Variants in PLAG1 observed in about 807,000 individuals in gnomAD.
The protein encoded by PLAG1 is zinc finger protein PLAG1.
Under a neutral mutation model 35.5 loss-of-function variants are expected in PLAG1, and 7 were observed. The observed-to-expected ratio is 0.20, with a 90% CI of 0.11 to 0.37. PLAG1 has a LOEUF of 0.37. Among genes scored for constraint, PLAG1 ranks in the 10% least tolerant of loss-of-function variants. The probability of loss-of-function intolerance (pLI) is 1.00; values close to 1 mark genes in which losing one functional copy is unlikely to be tolerated. For synonymous variants in PLAG1, 229 were observed against 225.4 expected, an observed-to-expected ratio of 1.02 and a Z score of -0.14; for missense variants, 454 against 602.8, an observed-to-expected ratio of 0.75 and a Z score of 2.58.
chr8:56,183,940 C>T (rs1811944649), intron 1 of PLAG1, among the ~76,000 whole-genome samples: 1 of 152,096 alleles, frequency 6.6e-6, no homozygotes. Context: ...TTGGTCACAA[C>T]ACCAAAAGCA....
At chr8:56,193,695 C>CTTTT (rs760038291) in intron 1 of PLAG1, among the ~76,000 whole-genome samples, 28 of 130,800 alleles carry the variant, frequency 2.1e-4, no homozygotes, top group East Asian at 9.4e-4. Flanking sequence ...ATTAGGTAAA[C>CTTTT]TTTTTTTTTT....
At chr8:56,169,299 T>A (rs1290310982) in intron 3 of PLAG1, among the ~76,000 whole-genome samples, 3 of 152,198 alleles carry the variant, frequency 2.0e-5, no homozygotes, top group Non-Finnish European at 4.4e-5. Context: ...AAGAGGTGTT[T>A]AAGGTTGGTA....
At chr8:56,210,704 G>C (rs1490871794) in intron 1 of PLAG1, among the ~76,000 whole-genome samples, 3 of 151,816 alleles carry the variant, frequency 2.0e-5, no homozygotes, top group African/African-American at 7.3e-5. Context: ...CTTATTTTTC[G>C]GGTCTCTAAT....
At chr8:56,173,094 T>G (rs2129226164) in intron 2 of PLAG1, among the ~76,000 whole-genome samples, 1 of 152,234 alleles carries the variant, frequency 6.6e-6, no homozygotes, top group South Asian at 2.1e-4. Context: ...TCAAATACAT[T>G]CATAAAATCT....
At chr8:56,182,817 G>A (rs777214086) in intron 1 of PLAG1, among the ~76,000 whole-genome samples, 10 of 152,198 alleles carry the variant, frequency 6.6e-5, no homozygotes, top group Non-Finnish European at 8.8e-5. Context: ...GGAAGAAAGT[G>A]GGGCATTCTT....
chr8:56,208,082 G>A (rs1283565970), intron 1 of PLAG1, among the ~76,000 whole-genome samples: 1 of 152,020 alleles, frequency 6.6e-6, no homozygotes. Flanking sequence ...TTTTTTTATA[G>A]AGATTGAATT....
intron 1 of PLAG1, among the ~76,000 whole-genome samples, chr8:56,186,414 C>T (rs1215093057): frequency 1.3e-5 from 2 of 151,984 alleles, no homozygotes; most frequent in Non-Finnish European, 2.9e-5. Flanking sequence ...CTCTGTCATC[C>T]AGGCTGGAGT....
intron 1 of PLAG1, among the ~76,000 whole-genome samples, chr8:56,208,536 A>C (rs1812760846): frequency 6.6e-6 from 1 of 152,244 alleles, no homozygotes; most frequent in African/African-American, 2.4e-5. Flanking sequence ...GACTACAAAA[A>C]TAATAACTTG....
chr8:56,200,790 T>C (rs994925406), intron 1 of PLAG1, among the ~76,000 whole-genome samples: 1 of 152,176 alleles, frequency 6.6e-6, no homozygotes, highest in African/African-American at 2.4e-5. Context: ...CCATCTCAAG[T>C]TCCACCTCTC....
chr8:56,210,919 C>T (rs997883580), intron 1 of PLAG1, among the ~76,000 whole-genome samples: 1 of 151,852 alleles, frequency 6.6e-6, no homozygotes, highest in African/African-American at 2.4e-5. Flanking sequence ...TCCTCGCAGC[C>T]CCGCGTAATT....
At chr8:56,189,973 C>T (rs1164061657) in intron 1 of PLAG1, among the ~76,000 whole-genome samples, 1 of 152,140 alleles carries the variant, frequency 6.6e-6, no homozygotes, top group Non-Finnish European at 1.5e-5. Flanking sequence ...ACAAGTGTAA[C>T]TGGAGATGGA....
At chr8:56,184,464 A>C (rs1002475954) in intron 1 of PLAG1, among the ~76,000 whole-genome samples, 1 of 152,264 alleles carries the variant, frequency 6.6e-6, no homozygotes, top group Non-Finnish European at 1.5e-5. Flanking sequence ...CATATGACAC[A>C]GCATTTCACA....
Position 56,166,616 on chromosome 8 carries a change from G to A in PLAG1, c.1130C>T (p.Ser377Leu), listed in dbSNP as rs1484308392. ...ATCCAACCCTAGCTTAGATGATGAC[G>A]ATGCTTGAGAATCTTGGGATGAAGA... ...VPSSSQDSQA[S>L]SSSKLGLDPQ... is the part of the protein sequence containing the mutation. The change falls in exon 5 of 5, where the codon TCG becomes TTG. Residue 377 changes from serine to leucine, a missense_variant. By Grantham distance (145) the Ser-to-Leu change is moderately radical. This residue lies in a region of PLAG1 where 271 missense variants were observed against 315.6 expected (regional missense o/e 0.86). Transcript: ENST00000316981. 6.2e-6 allele frequency: 10 copies of A among 1,613,954 alleles called. No homozygotes were observed. In the African/African-American group the frequency reaches 6.7e-5, roughly 11 times the overall value.
At chr8:56,197,697 TG>T (rs1427673030) in intron 1 of PLAG1, among the ~76,000 whole-genome samples, 1 of 152,228 alleles carries the variant, frequency 6.6e-6, no homozygotes, top group Non-Finnish European at 1.5e-5. Context: ...TCCCCTGCTC[TG>T]GGTATTCTGG....
In PLAG1 at chr8:56,167,158, G is replaced by T. The variant is rs2129224547; in HGVS notation, c.588C>A (p.Thr196=). The change falls in exon 5 of 5, where the codon ACC becomes ACA. Residue 196 remains threonine (T), a synonymous_variant. Transcript: ENST00000316981. The surrounding 1 kb of genome is among the most constrained non-coding windows in gnomAD (Gnocchi z 5.9). Reference sequence around the variant, plus strand: ...CCATGTGTCTCCGGACATCCTTTCGGGTGTAGAACCGGCGATCACAATGTT... The same window carrying T: ...CCATGTGTCTCCGGACATCCTTTCGTGTGTAGAACCGGCGATCACAATGTT... ...QCEHCDRRFY[T]RKDVRRHMVV... The T allele has an allele frequency of 6.2e-7, 1 of 1,613,874 alleles. No homozygotes were observed. The highest frequency in any genetic ancestry group is 1.1e-5 in the South Asian group (1 of 91,072).
At chr8:56,196,007 C>T (rs1275177953) in intron 1 of PLAG1, among the ~76,000 whole-genome samples, 1 of 152,152 alleles carries the variant, frequency 6.6e-6, no homozygotes, top group Non-Finnish European at 1.5e-5. Context: ...CAGCTGCGTG[C>T]TCACTGCTAT....
intron 2 of PLAG1, among the ~76,000 whole-genome samples, chr8:56,176,313 A>G (rs1811694342): frequency 1.3e-5 from 2 of 150,302 alleles, no homozygotes; most frequent in South Asian, 2.2e-4. Context: ...TTGGCCTCTC[A>G]AAGTGCTGGG....
At chr8:56,191,249 A>AG (rs1812174135) in intron 1 of PLAG1, among the ~76,000 whole-genome samples, 3 of 152,186 alleles carry the variant, frequency 2.0e-5, no homozygotes, top group Non-Finnish European at 4.4e-5. Context: ...GAAGCAGAAC[A>AG]TTCTAGAGCA....
intron 1 of PLAG1, among the ~76,000 whole-genome samples, chr8:56,194,624 GTGTGTGTGTT>G (rs1329798862): frequency 1.3e-5 from 2 of 151,250 alleles, no homozygotes; most frequent in Non-Finnish European, 3.0e-5. Flanking sequence ...TGTGTGTGGC[GTGTGTGTGTT>G]TGTGTGTGTG....
Sources: gnomAD v4.1 joint callset for allele counts (sites outside exome capture counted in the v4.1 genomes callset) on GRCh38, gnomAD v4.1.1 for gene constraint, gnomAD v4.1.1 regional missense constraint, Gnocchi (gnomAD v3.1) non-coding constraint, MANE v1.5 for transcripts, NCBI Gene and HGNC (gene_info 2026-07-23, HGNC 2026-07-21) for gene names.